AFAP1: variants seen among roughly 807,000 people sequenced by gnomAD.
AFAP1 encodes actin filament-associated protein 1.
A neutral mutation model predicts 93.9 loss-of-function variants in AFAP1; 75 were observed. The observed-to-expected ratio is 0.80, with a 90% CI of 0.66 to 0.97. The LOEUF (loss-of-function observed/expected upper bound fraction) is 0.97, where lower values mean the gene tolerates loss of function less well. Among genes scored for constraint, AFAP1 ranks in the 50% least tolerant of loss-of-function variants. The pLI, the probability that AFAP1 is intolerant of heterozygous loss-of-function variation, is 0.00. For missense variants in AFAP1, 1,201 were observed against 1,050.8 expected (o/e 1.14, Z -1.98); for synonymous variants, 517 against 430.7 (o/e 1.20, Z -2.48).
intron 1 of AFAP1, among the ~76,000 whole-genome samples, chr4:7,897,405 T>G (rs1718847981): frequency 6.6e-6 from 1 of 152,198 alleles, no homozygotes. Flanking sequence ...CCTGTGTGCA[T>G]TCAGATGCTT....
rs1713605439 is a variant in AFAP1 at position 7,760,353 on chromosome 4, G to A, written c.*3412C>T. The A allele has an allele frequency of 6.6e-6, 1 of 152,414 alleles. No individual in the cohort carries two copies. Among genetic ancestry groups the A allele is most frequent in the Non-Finnish European group, 1.5e-5 (1 of 68,202 alleles). The allele number at this position is 152,414 out of a possible 1,614,324, so 9.4% of individuals were successfully genotyped here. On this transcript the variant is annotated 3_prime_UTR_variant, in exon 18 of 18. Transcript: ENST00000420658. The stretch of plus-strand genomic sequence containing the variant: ...AGGCACAGAGGGGCGAGATGGGACT[G>A]ACCCAGCTGGTAAGCCGCCGCCCGC...
intron 9 of AFAP1, among the ~76,000 whole-genome samples, chr4:7,807,822 G>C (rs1174052015): frequency 6.6e-6 from 1 of 152,198 alleles, no homozygotes; most frequent in Admixed American, 6.5e-5. Context: ...CTTCAAGACA[G>C]TGCACGCCAT....
intron 11 of AFAP1, among the ~76,000 whole-genome samples, chr4:7,787,466 T>C (rs1227879501): frequency 2.0e-5 from 3 of 152,212 alleles, no homozygotes; most frequent in Non-Finnish European, 4.4e-5. Context: ...GGTGATATCC[T>C]GGACCTGTGA....
At chr4:7,826,987 C>T (rs1375604368) in intron 6 of AFAP1, among the ~76,000 whole-genome samples, 1 of 152,056 alleles carries the variant, frequency 6.6e-6, no homozygotes, top group African/African-American at 2.4e-5. Context: ...GCTGAAATAG[C>T]TCATGAAAAG....
intron 8 of AFAP1, among the ~76,000 whole-genome samples, chr4:7,812,709 G>A (rs1322851556): frequency 3.3e-5 from 5 of 152,176 alleles, no homozygotes; most frequent in South Asian, 4.1e-4. Context: ...CAAGACTAAC[G>A]CCGGGCATTC....
intron 1 of AFAP1, among the ~76,000 whole-genome samples, chr4:7,937,546 G>A (rs529537508): frequency 6.6e-6 from 1 of 152,288 alleles, no homozygotes; most frequent in East Asian, 1.9e-4. Flanking sequence ...GAGTGCAGTG[G>A]AGTTATTTCA....
At chr4:7,933,172 G>C (rs965264432) in intron 1 of AFAP1, among the ~76,000 whole-genome samples, 1 of 151,966 alleles carries the variant, frequency 6.6e-6, no homozygotes, top group Non-Finnish European at 1.5e-5. Flanking sequence ...TCTAACCCCC[G>C]AGACCTGTGA....
chr4:7,834,086 G>T (rs1379128608), intron 6 of AFAP1, among the ~76,000 whole-genome samples: 1 of 62,688 alleles, frequency 1.6e-5, no homozygotes, highest in Non-Finnish European at 3.1e-5. Flanking sequence ...TAAAGAAACT[G>T]TGGCATACAC....
chr4:7,859,631 T>C (rs1416908182), intron 3 of AFAP1, among the ~76,000 whole-genome samples: 2 of 152,120 alleles, frequency 1.3e-5, no homozygotes, highest in East Asian at 3.9e-4. Context: ...AAGTAAAAGC[T>C]CCTAAACTTT....
chr4:7,828,667 T>C lies in AFAP1; in HGVS notation c.727-9496A>G, dbSNP rs116205067. On this transcript the variant is annotated intron_variant, in intron 6 of 17. Coordinates refer to ENST00000420658, the MANE Select transcript of AFAP1 (RefSeq NM_001134647.2). ...AAGGCTCATGACATGCTTTCTGCCA[T>C]TGTGAACACTCTGTCTTAGCATCTC... Among the ~76,000 whole-genome samples the C allele has an allele frequency of 9.4e-3, 1,434 of 152,326 alleles. 21 individuals are homozygous for C. The highest frequency in any genetic ancestry group is 0.033 in the African/African-American group (1,371 of 41,566).
At chr4:7,929,125 A>T (rs1720924813) in intron 1 of AFAP1, among the ~76,000 whole-genome samples, 1 of 152,254 alleles carries the variant, frequency 6.6e-6, no homozygotes, top group Non-Finnish European at 1.5e-5. Flanking sequence ...GGCACAGACT[A>T]AGTATTTTGT....
chr4:7,879,064 C>A (rs1216530940), intron 1 of AFAP1, among the ~76,000 whole-genome samples: 1 of 152,146 alleles, frequency 6.6e-6, no homozygotes, highest in African/African-American at 2.4e-5. Context: ...AAAATGAAAT[C>A]TTTGAATTGG....
intron 5 of AFAP1, among the ~76,000 whole-genome samples, chr4:7,840,273 T>TGTGTGC (rs1401189421): frequency 8.3e-4 from 107 of 128,952 alleles, no homozygotes; most frequent in African/African-American, 1.7e-3. Context: ...TGTGTGTGTG[T>TGTGTGC]GTGTGTGTGT....
At chr4:7,848,208 AGG>A (rs202176826) in intron 4 of AFAP1, among the ~76,000 whole-genome samples, 27,991 of 58,494 alleles carry the variant, frequency 0.48, 4,679 homozygotes, top group African/African-American at 0.58. Context: ...GAAGCAAGGG[AGG>A]GAGGGAGGGA....
At chr4:7,809,500 T>A (rs1331193647) in intron 9 of AFAP1, 114 bp downstream of exon 9, 1 of 1,282,800 alleles carries the variant, frequency 7.8e-7, no homozygotes, top group Non-Finnish European at 1.1e-6. Context: ...CCAAGTCCAA[T>A]GCAAAAGAGC....
At chr4:7,860,040 G>A (rs931111629) in intron 3 of AFAP1, among the ~76,000 whole-genome samples, 1 of 152,130 alleles carries the variant, frequency 6.6e-6, no homozygotes, top group African/African-American at 2.4e-5. Context: ...CTGCTAGGGA[G>A]GCTGAGGTGG....
chr4:7,763,901 GAAA>G, intron 17 of AFAP1, 110 bp from the exon 18 acceptor site: 1 of 1,050,042 alleles, frequency 9.5e-7, no homozygotes, highest in South Asian at 1.4e-5. Flanking sequence ...GGCTACTGCA[GAAA>G]ACTCAACAGA....
intron 1 of AFAP1, among the ~76,000 whole-genome samples, chr4:7,900,255 G>A (rs1719042869): frequency 6.6e-6 from 1 of 152,198 alleles, no homozygotes; most frequent in Non-Finnish European, 1.5e-5. Flanking sequence ...TTCCAAGACT[G>A]CCTGTTACAG....
At chr4:7,898,906 T>A (rs1718954115) in intron 1 of AFAP1, among the ~76,000 whole-genome samples, 1 of 150,558 alleles carries the variant, frequency 6.6e-6, no homozygotes, top group East Asian at 2.0e-4. Flanking sequence ...GAGGGAGAAA[T>A]ATATATGTGT....
Sources: gnomAD v4.1 joint callset for allele counts (sites outside exome capture counted in the v4.1 genomes callset) on GRCh38, gnomAD v4.1.1 for gene constraint, MANE v1.5 for transcripts, NCBI Gene and HGNC (gene_info 2026-07-23, HGNC 2026-07-21) for gene names.